The following BEAN1 variants were observed in gnomAD, a reference collection of about 807,000 sequenced individuals.
BEAN1 encodes the protein brain expressed associated with NEDD4 1, also known as protein BEAN1.
A neutral mutation model predicts 17.7 loss-of-function variants in BEAN1; 17 were observed. That is an observed-to-expected ratio of 0.96 (90% CI 0.66 to 1.44). The LOEUF is 1.44. Ranked by LOEUF, BEAN1 falls within the 40% of genes most tolerant of loss-of-function variation. The pLI, the probability that BEAN1 is intolerant of heterozygous loss-of-function variation, is 0.00. For synonymous variants in BEAN1, 142 were observed against 151.8 expected, an observed-to-expected ratio of 0.94 and a Z score of 0.47; for missense variants, 359 against 374.1, an observed-to-expected ratio of 0.96 and a Z score of 0.33.
intron 2 of BEAN1, among the ~76,000 whole-genome samples, chr16:66,458,822 T>C (rs1962971720): frequency 6.6e-6 from 1 of 152,226 alleles, no homozygotes. Context: ...AAGGACCTTT[T>C]TGCACTTAGG....
chr16:66,495,009 G>A (rs76107343), downstream of BEAN1, among the ~76,000 whole-genome samples: 1 of 152,146 alleles, frequency 6.6e-6, no homozygotes, highest in Non-Finnish European at 1.5e-5. Context: ...AATAGGTGAA[G>A]GTCCCTTCAG....
intron 2 of BEAN1, among the ~76,000 whole-genome samples, chr16:66,452,058 A>G (rs560997112): frequency 1.6e-3 from 245 of 152,314 alleles, no homozygotes; most frequent in Non-Finnish European, 2.9e-3. Flanking sequence ...CAAATGCCCC[A>G]TAATGTTTTT....
At chr16:66,443,008 C>T (rs961693183) in intron 2 of BEAN1, among the ~76,000 whole-genome samples, 9 of 152,322 alleles carry the variant, frequency 5.9e-5, no homozygotes, top group Non-Finnish European at 7.3e-5. Flanking sequence ...GGAGGGCAAA[C>T]GATGGCACAC....
At chr16:66,456,739 A>C (rs74569642) in intron 2 of BEAN1, among the ~76,000 whole-genome samples, 14,968 of 152,322 alleles carry the variant, frequency 0.098, 888 homozygotes, top group East Asian at 0.22. Context: ...TTCAGCCAAT[A>C]AATAAGTTCT....
At chr16:66,468,809 T>G (rs1231380398) in intron 2 of BEAN1, among the ~76,000 whole-genome samples, 2 of 152,040 alleles carry the variant, frequency 1.3e-5, no homozygotes, top group Non-Finnish European at 2.9e-5. Context: ...GGACCCCAGC[T>G]CCCAAGGCCC....
chr16:66,463,971 AGTCCATT>A (rs1211567132), intron 2 of BEAN1, among the ~76,000 whole-genome samples: 3 of 152,192 alleles, frequency 2.0e-5, no homozygotes, highest in African/African-American at 7.2e-5. Context: ...TCTCAATTCT[AGTCCATT>A]TATTTATATG....
intron 4 of BEAN1, chr16:66,477,917 T>G: frequency 2.0e-6 from 1 of 490,470 alleles, no homozygotes; most frequent in Non-Finnish European, 3.4e-6. Flanking sequence ...CACCTGGAAG[T>G]GCTAGGAAAG....
chr16:66,486,884 A>T (rs1207327167), downstream of BEAN1, among the ~76,000 whole-genome samples: 1 of 152,164 alleles, frequency 6.6e-6, no homozygotes, highest in Admixed American at 6.5e-5. Flanking sequence ...GGTCAGGCGG[A>T]GAGTGGTTGC....
chr16:66,433,423 TA>T (rs1476102877), intron 1 of BEAN1, among the ~76,000 whole-genome samples: 1 of 152,186 alleles, frequency 6.6e-6, no homozygotes, highest in African/African-American at 2.4e-5. Flanking sequence ...AGACTTTCAA[TA>T]AACACTTGAA....
At chr16:66,453,940 G>A (rs1962774043) in intron 2 of BEAN1, among the ~76,000 whole-genome samples, 1 of 151,938 alleles carries the variant, frequency 6.6e-6, no homozygotes, top group Non-Finnish European at 1.5e-5. Context: ...TGCCATGTTG[G>A]CCAGGGTGGT....
chr16:66,438,265 T>C (rs372906428), intron 2 of BEAN1, among the ~76,000 whole-genome samples: 1 of 152,034 alleles, frequency 6.6e-6, no homozygotes, highest in South Asian at 2.1e-4. Context: ...GCGCCTGTAA[T>C]CCCAGCTACT....
At chr16:66,466,535 C>A (rs1171722523) in intron 2 of BEAN1, among the ~76,000 whole-genome samples, 4 of 152,284 alleles carry the variant, frequency 2.6e-5, no homozygotes, top group African/African-American at 9.6e-5. Context: ...CTAAACACTG[C>A]ATTAGCTGCA....
At chr16:66,466,542 T>C (rs566369047) in intron 2 of BEAN1, among the ~76,000 whole-genome samples, 1 of 152,328 alleles carries the variant, frequency 6.6e-6, no homozygotes, top group South Asian at 2.1e-4. Context: ...CTGCATTAGC[T>C]GCATCCTGCA....
chr16:66,437,448 C>T, intron 1 of BEAN1, 147 bp from the exon 2 acceptor site: 1 of 578,228 alleles, frequency 1.7e-6, no homozygotes, highest in South Asian at 2.3e-5. Flanking sequence ...GTCCCCCAGC[C>T]CCTTGCCCAG....
chr16:66,489,541 G>A (rs1964136229), intron 4 of BEAN1, among the ~76,000 whole-genome samples: 1 of 152,192 alleles, frequency 6.6e-6, no homozygotes, highest in Non-Finnish European at 1.5e-5. Context: ...AGGATCAGAT[G>A]AGCCCATGTG....
intron 2 of BEAN1, among the ~76,000 whole-genome samples, chr16:66,439,027 G>A (rs1425273810): frequency 6.6e-6 from 1 of 152,098 alleles, no homozygotes; most frequent in Non-Finnish European, 1.5e-5. Flanking sequence ...TGGGGGTGGG[G>A]GCCTCTCTTC....
chr16:66,481,053 T>C lies in BEAN1; in HGVS notation c.*128T>C. ...AACACACACATAGACCAAACTTGTA[T>C]ACACACAGACATCTACACTGACATA... On this transcript the variant is annotated 3_prime_UTR_variant, in exon 5 of 5. Coordinates refer to ENST00000536005, the MANE Select transcript of BEAN1 (RefSeq NM_001178020.3). The surrounding 1 kb of genome is among the most constrained non-coding windows in gnomAD (Gnocchi z 4.1). The C allele has an allele frequency of 1.5e-6, 1 of 688,138 alleles. No individual in the cohort carries two copies. Among genetic ancestry groups the C allele is most frequent in the South Asian group, 3.1e-5 (1 of 32,648 alleles). The allele number at this position is 688,138 out of a possible 1,614,324, so 42.6% of individuals were successfully genotyped here. A position where few individuals can be genotyped will look rare whatever the true frequency, so the allele number is the denominator to read the frequency against.
At chr16:66,484,965 T>A (rs983858755), downstream of BEAN1, 4 of 454,016 alleles carry the variant, frequency 8.8e-6, no homozygotes, top group Non-Finnish European at 1.3e-5. This position sits in a 1 kb window ranked among gnomAD's most constrained non-coding sequence, Gnocchi z 4.2. Context: ...GTGCTGGCGA[T>A]GACGCCATCG....
chr16:66,458,376 C>T (rs1018622419), intron 2 of BEAN1, among the ~76,000 whole-genome samples: 1 of 152,142 alleles, frequency 6.6e-6, no homozygotes, highest in South Asian at 2.1e-4. Context: ...CTGACCTAAG[C>T]CACCTGATAC....
Sources: allele counts gnomAD v4.1 joint callset (sites outside exome capture counted in the v4.1 genomes callset), GRCh38; gene constraint gnomAD v4.1.1; non-coding constraint Gnocchi (gnomAD v3.1); transcripts MANE v1.5; gene names NCBI Gene and HGNC (gene_info 2026-07-23, HGNC 2026-07-21).